ASTN1: variants seen among roughly 807,000 people sequenced by gnomAD.
The protein encoded by ASTN1 is astrotactin-1.
In ASTN1, 41 loss-of-function variants were observed where a neutral mutation model predicts 140.7. The observed-to-expected ratio is 0.29, with a 90% CI of 0.23 to 0.38. The LOEUF (loss-of-function observed/expected upper bound fraction) is 0.38, where lower values mean the gene tolerates loss of function less well. Among genes scored for constraint, ASTN1 ranks in the 10% least tolerant of loss-of-function variants. ASTN1 has a pLI of 1.00. For missense variants in ASTN1, 1,479 were observed against 1,678.8 expected, an observed-to-expected ratio of 0.88 and a Z score of 2.08; for synonymous variants, 640 against 652.2, an observed-to-expected ratio of 0.98 and a Z score of 0.29.
chr1:176,904,390 C>T (rs959186956), intron 16 of ASTN1, among the ~76,000 whole-genome samples: 1 of 152,166 alleles, frequency 6.6e-6, no homozygotes, highest in Non-Finnish European at 1.5e-5. Context: ...CATAGAGATT[C>T]GGAGTCACAG....
intron 2 of ASTN1, among the ~76,000 whole-genome samples, chr1:177,057,562 A>C (rs1248808671): frequency 2.6e-5 from 4 of 152,326 alleles, no homozygotes; most frequent in South Asian, 2.1e-4. Flanking sequence ...ACATATTGGA[A>C]ATAGTTAGGA....
Position 177,023,543 on chromosome 1 carries a change from GCTC to G in ASTN1, c.1296_1298del (p.Ser433del). The stretch of plus-strand genomic sequence containing the variant: ...TCAGCCAGTCACTGGCATCCAGCTG[GCTC>G]CCCTCCAGCAAGATGAAGCGGCTCC... On this transcript the variant is annotated inframe_deletion, in exon 7 of 23. Transcript: ENST00000361833. 6.2e-7 allele frequency: 1 copy of G among 1,601,654 alleles called. No homozygotes were observed. The highest frequency in any genetic ancestry group is 2.2e-5 in the East Asian group (1 of 44,446).
intron 8 of ASTN1, among the ~76,000 whole-genome samples, chr1:176,973,000 G>A (rs1673206495): frequency 6.6e-6 from 1 of 151,932 alleles, no homozygotes; most frequent in African/African-American, 2.4e-5. Context: ...TCAGATCCTG[G>A]ATCACTGTCC....
At chr1:177,144,445 G>T (rs1338614875) in intron 1 of ASTN1, among the ~76,000 whole-genome samples, 1 of 150,650 alleles carries the variant, frequency 6.6e-6, no homozygotes, top group African/African-American at 2.4e-5. Context: ...GTAGAGACGG[G>T]GTTTCACCGT....
Position 176,861,625 on chromosome 1 carries a change from T to G in ASTN1, c.*2659A>C, listed in dbSNP as rs762473534. ...TTCCCCTGCCCTGTTCATATCAGCCTTTTTAACTTGAATGTAAGTAGGAGC... is the reference window on the plus strand; with the variant it reads ...TTCCCCTGCCCTGTTCATATCAGCCGTTTTAACTTGAATGTAAGTAGGAGC... On this transcript the variant is annotated 3_prime_UTR_variant, in exon 23 of 23. Transcript: ENST00000361833. The G allele has an allele frequency of 4.4e-4, 437 of 985,504 alleles. 4 individuals are homozygous for G. The highest frequency in any genetic ancestry group is 1.6e-3 in the Admixed American group (26 of 16,284). The allele number at this position is 985,504 out of a possible 1,614,324, so 61.0% of individuals were successfully genotyped here. A position where few individuals can be genotyped will look rare whatever the true frequency, so the allele number is the denominator to read the frequency against.
At chr1:176,876,484 G>A in intron 21 of ASTN1, 53 bp downstream of exon 21, 1 of 1,576,738 alleles carries the variant, frequency 6.3e-7, no homozygotes, top group Non-Finnish European at 8.7e-7. Context: ...ATAGCAAGTG[G>A]TGGGTACCTG....
intron 1 of ASTN1, among the ~76,000 whole-genome samples, chr1:177,105,191 T>C (rs1032553891): frequency 1.3e-5 from 2 of 152,192 alleles, no homozygotes; most frequent in Admixed American, 6.5e-5. Flanking sequence ...TTAAATAATA[T>C]GCTTGTACGG....
intron 1 of ASTN1, among the ~76,000 whole-genome samples, chr1:177,115,338 T>C (rs560139252): frequency 6.6e-6 from 1 of 152,262 alleles, no homozygotes; most frequent in African/African-American, 2.4e-5. Context: ...CATGTGCAAT[T>C]ATACTTTTGT....
intron 20 of ASTN1, among the ~76,000 whole-genome samples, chr1:176,878,624 C>T (rs1372120455): frequency 2.0e-5 from 3 of 152,020 alleles, no homozygotes; most frequent in Non-Finnish European, 4.4e-5. Flanking sequence ...TGACCAGCCC[C>T]GTGTAGAACT....
At chr1:176,869,175 T>A (rs2103012693) in intron 21 of ASTN1, 148 bp from the exon 22 acceptor site, 1 of 468,438 alleles carries the variant, frequency 2.1e-6, no homozygotes, top group Non-Finnish European at 3.4e-6. Context: ...TATGCATATA[T>A]ATCATATAGT....
At chr1:177,012,984 A>G (rs1675367551) in intron 8 of ASTN1, among the ~76,000 whole-genome samples, 1 of 152,206 alleles carries the variant, frequency 6.6e-6, no homozygotes, top group South Asian at 2.1e-4. Context: ...AAAATTTTGG[A>G]TCCCCAGAAA....
intron 8 of ASTN1, among the ~76,000 whole-genome samples, chr1:176,999,383 C>G (rs1019541331): frequency 2.0e-5 from 3 of 152,218 alleles, no homozygotes; most frequent in African/African-American, 7.2e-5. Flanking sequence ...TTTAGAAAAG[C>G]ATGCACTAAC....
At chr1:177,117,523 A>G (rs1681153512) in intron 1 of ASTN1, among the ~76,000 whole-genome samples, 1 of 152,150 alleles carries the variant, frequency 6.6e-6, no homozygotes, top group African/African-American at 2.4e-5. Context: ...GACCTAGCGG[A>G]ACTTAAGTTC....
Position 176,958,464 on chromosome 1 carries a change from C to T in ASTN1, c.1617G>A (p.Gly539=), listed in dbSNP as rs2103130989. The T allele has an allele frequency of 6.2e-7, 1 of 1,612,914 alleles. No homozygotes were observed. The highest frequency in any genetic ancestry group is 2.2e-5 in the East Asian group (1 of 44,798). The change falls in exon 10 of 23, where the codon GGG becomes GGA. Residue 539 remains glycine, a synonymous_variant. Coordinates refer to ENST00000361833, the MANE Select transcript of ASTN1 (RefSeq NM_004319.3). The stretch of plus-strand genomic sequence containing the variant: ...TGCTGAGGGGCAACCACATGCCCTC[C>T]CCAAGAGTGTAGGTGAATCTGCAGG... ...DKIFRFTYTL[G]EGMWLPLSKS... is the part of the protein sequence containing the mutation.
chr1:177,106,212 A>G (rs1680537058), intron 1 of ASTN1, among the ~76,000 whole-genome samples: 1 of 152,166 alleles, frequency 6.6e-6, no homozygotes, highest in Non-Finnish European at 1.5e-5. Context: ...CACTCTGTAA[A>G]TAGTATTTTT....
intron 8 of ASTN1, among the ~76,000 whole-genome samples, chr1:176,971,091 T>C (rs1673123347): frequency 6.6e-6 from 1 of 152,184 alleles, no homozygotes; most frequent in African/African-American, 2.4e-5. Flanking sequence ...TAAACAAATA[T>C]TCCTTTTCTA....
chr1:177,087,257 T>C (rs1679519938), intron 1 of ASTN1, among the ~76,000 whole-genome samples: 1 of 152,160 alleles, frequency 6.6e-6, no homozygotes, highest in Non-Finnish European at 1.5e-5. Flanking sequence ...AGAAGCACCG[T>C]GACTTGTGTA....
chr1:176,971,556 T>C (rs931986028), intron 8 of ASTN1, among the ~76,000 whole-genome samples: 1 of 152,224 alleles, frequency 6.6e-6, no homozygotes, highest in African/African-American at 2.4e-5. Flanking sequence ...GGACAACTTA[T>C]ACTATTCTTA....
At chr1:176,882,783 A>G (rs1479222481) in intron 20 of ASTN1, 76 bp downstream of exon 20, 1 of 1,579,700 alleles carries the variant, frequency 6.3e-7, no homozygotes, top group Non-Finnish European at 8.7e-7. Flanking sequence ...AAGGAACTCA[A>G]GTAGCAAGAA....
Sources: gnomAD v4.1 joint callset for allele counts (sites outside exome capture counted in the v4.1 genomes callset) on GRCh38, gnomAD v4.1.1 for gene constraint, MANE v1.5 for transcripts, NCBI Gene and HGNC (gene_info 2026-07-23, HGNC 2026-07-21) for gene names.